SYNDIG1: variants seen among roughly 807,000 people sequenced by gnomAD.
The protein encoded by SYNDIG1 is synapse differentiation-inducing gene protein 1.
A neutral mutation model predicts 19.4 loss-of-function variants in SYNDIG1; 9 were observed. The ratio of observed to expected loss-of-function variants is 0.46; its 90% confidence interval spans 0.28 to 0.81. The LOEUF is 0.81. Ranked by LOEUF, SYNDIG1 falls within the 30% of genes least tolerant of loss-of-function variation. The pLI, the probability that SYNDIG1 is intolerant of heterozygous loss-of-function variation, is 0.12. For synonymous variants in SYNDIG1, 141 were observed against 145.9 expected (o/e 0.97, Z 0.24); for missense variants, 311 against 343.3 (o/e 0.91, Z 0.74).
intron 1 of SYNDIG1, among the ~76,000 whole-genome samples, chr20:24,521,026 G>A (rs769516247): frequency 3.9e-5 from 6 of 152,104 alleles, no homozygotes; most frequent in Admixed American, 2.0e-4. Context: ...GTCTGTGAGT[G>A]TGACTATTCT....
chr20:24,643,219 C>G (rs1164061058), intron 3 of SYNDIG1, among the ~76,000 whole-genome samples: 1 of 152,194 alleles, frequency 6.6e-6, no homozygotes, highest in Non-Finnish European at 1.5e-5. Flanking sequence ...CAATGAGAAA[C>G]CTGGCTCCAA....
chr20:24,557,942 G>A (rs966350251), intron 2 of SYNDIG1, among the ~76,000 whole-genome samples: 2 of 152,216 alleles, frequency 1.3e-5, no homozygotes, highest in Non-Finnish European at 2.9e-5. Context: ...CGCCGGAAGA[G>A]GGCTTTAATC....
rs767951875 is a variant in SYNDIG1 at position 24,588,672 on chromosome 20, C to T, written c.618+3679C>T. On this transcript the variant is annotated intron_variant, in intron 3 of 3. Coordinates refer to ENST00000376862, the MANE Select transcript of SYNDIG1 (RefSeq NM_024893.3). ...GAATCTAATAAGAAGTGGGAAGCTG[C>T]GGGATGTCTTTTGGAAGAAATGACC... Among the ~76,000 whole-genome samples the T allele has an allele frequency of 1.1e-3, 169 of 152,180 alleles. 1 individual carries two copies. Among genetic ancestry groups the T allele is most frequent in the Non-Finnish European group, 1.8e-3 (119 of 67,996 alleles).
rs1043801175 is a variant in SYNDIG1, at chr20:24,665,563, C to T, written c.*59C>T. 18 of 1,605,754 alleles carry T rather than the reference C, an allele frequency of 1.1e-5. No individual in the cohort carries two copies. Among genetic ancestry groups the T allele is most frequent in the Non-Finnish European group, 1.3e-5 (15 of 1,176,696 alleles). On this transcript the variant is annotated 3_prime_UTR_variant, in exon 4 of 4. Coordinates refer to ENST00000376862, the MANE Select transcript of SYNDIG1 (RefSeq NM_024893.3). ...CAGGTCTGTGTGGACGTGGAGGAAG[C>T]AGGCATACCGCATGATGCTGTACAG... is the stretch of plus-strand genomic sequence containing the variant.
chr20:24,505,067 C>T (rs1199264147), intron 1 of SYNDIG1, among the ~76,000 whole-genome samples: 2 of 152,128 alleles, frequency 1.3e-5, no homozygotes, highest in African/African-American at 4.8e-5. Context: ...AGGTGAGCCG[C>T]GGCAGGGCTG....
At chr20:24,545,661 T>G (rs1037345296) in intron 2 of SYNDIG1, among the ~76,000 whole-genome samples, 4 of 151,772 alleles carry the variant, frequency 2.6e-5, no homozygotes, top group African/African-American at 4.8e-5. Flanking sequence ...TAGGAATGGG[T>G]GGGGGCAGAC....
At chr20:24,610,971 G>A (rs79434815) in intron 3 of SYNDIG1, among the ~76,000 whole-genome samples, 2,663 of 152,250 alleles carry the variant, frequency 0.017, 36 homozygotes, top group African/African-American at 0.037. Flanking sequence ...TAGTCAGAGG[G>A]GCATCTTCTG....
rs115393797 is a variant in SYNDIG1, at chr20:24,499,669, G to A, written c.-79+29916G>A. On this transcript the variant is annotated intron_variant, in intron 1 of 3. Transcript: ENST00000376862. ...GTACCTGTCCAGATTCACTGGCTTT[G>A]CCAAGAACCTAACTGTCCAAACAGC... 6.3e-3 allele frequency among the ~76,000 whole-genome samples: 955 copies of A among 152,284 alleles called. 4 individuals are homozygous for A. Among genetic ancestry groups the A allele is most frequent in the African/African-American group, 0.022 (900 of 41,564 alleles).
chr20:24,585,337 G>T (rs563644048), intron 3 of SYNDIG1, among the ~76,000 whole-genome samples: 1 of 152,202 alleles, frequency 6.6e-6, no homozygotes, highest in African/African-American at 2.4e-5. Context: ...TGTGTGGGGT[G>T]ACCCCAGTGC....
intron 1 of SYNDIG1, among the ~76,000 whole-genome samples, chr20:24,530,847 C>T (rs1471227621): frequency 2.7e-5 from 4 of 147,708 alleles, no homozygotes; most frequent in African/African-American, 2.6e-5. Context: ...CTTGTTCTGT[C>T]GCCCAGGCTG....
intron 2 of SYNDIG1, among the ~76,000 whole-genome samples, chr20:24,569,176 C>T (rs1272850682): frequency 6.6e-6 from 1 of 152,170 alleles, no homozygotes; most frequent in African/African-American, 2.4e-5. Flanking sequence ...CCTCTTTAGC[C>T]TTTACTGTGA....
At position 24,584,925 on chromosome 20, in the gene SYNDIG1, C is replaced by T. The variant is rs1221019554; in HGVS notation, c.550C>T (p.Leu184Phe). ...LMMPPRDHLG[L>F]SVFSMLCCFW... is the part of the protein sequence containing the mutation. ...GATGCCCCCGCGGGACCACCTGGGC[C>T]TCAGTGTCTTCTCCATGCTCTGCTG... Residue 184 changes from leucine to phenylalanine, a missense_variant, in exon 3 of 4, where the codon CTC becomes TTC. Coordinates refer to ENST00000376862, the MANE Select transcript of SYNDIG1 (RefSeq NM_024893.3). 1 of 1,614,032 alleles carries T rather than the reference C, an allele frequency of 6.2e-7. No individual in the cohort carries two copies. Among genetic ancestry groups the T allele is most frequent in the South Asian group, 1.1e-5 (1 of 91,072 alleles).
intron 1 of SYNDIG1, among the ~76,000 whole-genome samples, chr20:24,534,487 G>A (rs2051623062): frequency 6.6e-6 from 1 of 152,206 alleles, no homozygotes; most frequent in African/African-American, 2.4e-5. Context: ...AGGGCCCAGT[G>A]TGCTGGGCAG....
chr20:24,541,778 A>T (rs1012453655), intron 1 of SYNDIG1, among the ~76,000 whole-genome samples: 1 of 152,220 alleles, frequency 6.6e-6, no homozygotes, highest in Non-Finnish European at 1.5e-5. Flanking sequence ...AAAAATAAAT[A>T]AAAAATCCCA....
intron 3 of SYNDIG1, among the ~76,000 whole-genome samples, chr20:24,627,616 T>C (rs2147273270): frequency 6.6e-6 from 1 of 152,380 alleles, no homozygotes; most frequent in Middle Eastern, 3.4e-3. Flanking sequence ...CTAAAAGACA[T>C]GAAGCCTTCC....
intron 3 of SYNDIG1, among the ~76,000 whole-genome samples, chr20:24,612,858 C>T (rs1281710542): frequency 1.3e-5 from 2 of 152,198 alleles, no homozygotes; most frequent in Non-Finnish European, 2.9e-5. Context: ...TCTACCTTAG[C>T]AACAGGACAC....
intron 3 of SYNDIG1, among the ~76,000 whole-genome samples, chr20:24,603,094 C>A (rs948456622): frequency 6.6e-5 from 10 of 152,088 alleles, no homozygotes; most frequent in African/African-American, 2.4e-4. Context: ...AGCCACTGGG[C>A]ATGGAATCTG....
chr20:24,551,152 A>AT (rs1240445128), intron 2 of SYNDIG1, among the ~76,000 whole-genome samples: 1 of 152,150 alleles, frequency 6.6e-6, no homozygotes, highest in Non-Finnish European at 1.5e-5. Flanking sequence ...TTGTGGGAAG[A>AT]TTTTCAATTA....
At chr20:24,664,176 A>C (rs928917423) in intron 3 of SYNDIG1, among the ~76,000 whole-genome samples, 2 of 152,092 alleles carry the variant, frequency 1.3e-5, no homozygotes, top group Non-Finnish European at 2.9e-5. Flanking sequence ...TCCCCACACG[A>C]CACAGACTTC....
Sources: gnomAD v4.1 joint callset for allele counts (sites outside exome capture counted in the v4.1 genomes callset) on GRCh38, gnomAD v4.1.1 for gene constraint, MANE v1.5 for transcripts, NCBI Gene and HGNC (gene_info 2026-07-23, HGNC 2026-07-21) for gene names.